The following AR variants were observed in gnomAD, a reference collection of about 807,000 sequenced individuals.
AR encodes the protein dihydrotestosterone receptor.
Under a neutral mutation model 53.9 loss-of-function variants are expected in AR, and 8 were observed. That is an observed-to-expected ratio of 0.15 (90% CI 0.09 to 0.27). The LOEUF (loss-of-function observed/expected upper bound fraction) is 0.27. Ranked by LOEUF, AR falls within the 10% of genes least tolerant of loss-of-function variation. AR has a pLI of 1.00. For missense variants in AR, 639 were observed against 742.5 expected, an observed-to-expected ratio of 0.86 and a Z score of 1.62; for synonymous variants, 359 against 316.4, an observed-to-expected ratio of 1.13 and a Z score of -1.43.
chrX:67,697,186 G>A (rs762061416), intron 3 of AR, among the ~76,000 whole-genome samples: 2 of 111,560 alleles, frequency 1.8e-5, no homozygotes, highest in East Asian at 2.8e-4. Context: ...AGGAACCCTC[G>A]AAAAAACTTA....
chrX:67,561,909 A>C, intron 1 of AR, among the ~76,000 whole-genome samples: 1 of 105,316 alleles, frequency 9.5e-6, no homozygotes, highest in East Asian at 3.0e-4. Context: ...GACAGATTAC[A>C]GTTCAGTAAA....
chrX:67,722,047 G>A (rs2147536479), intron 6 of AR, 84 bp downstream of exon 6: 2 of 1,088,354 alleles, frequency 1.8e-6, no homozygotes, highest in African/African-American at 1.8e-5. Flanking sequence ...ACATTATTAG[G>A]GAAAAGCCAG....
At chrX:67,675,567 G>T (rs1268939704) in intron 2 of AR, among the ~76,000 whole-genome samples, 1 of 111,267 alleles carries the variant, frequency 9.0e-6, no homozygotes, top group Non-Finnish European at 1.9e-5. Context: ...TTTCTGCTGT[G>T]ACAGGGCAAC....
rs1316492444 is a variant in AR, at chrX:67,568,862, C to G, written c.1616+22100C>G. ...AGGTGCTGCGAGCAGAGAGGGATTC[C>G]TCGGAGGTCATCTGTTCCATCTTCT... On this transcript the variant is annotated intron_variant, in intron 1 of 7. Coordinates refer to ENST00000374690, the MANE Select transcript of AR (RefSeq NM_000044.6). 2.6e-6 allele frequency: 3 copies of G among 1,176,144 alleles called. No homozygotes were observed. In the African/African-American group the frequency reaches 5.3e-5, roughly 21 times the overall value.
intron 1 of AR, among the ~76,000 whole-genome samples, chrX:67,601,180 T>A (rs1322518774): frequency 8.9e-6 from 1 of 112,401 alleles, no homozygotes; most frequent in African/African-American, 3.2e-5. Context: ...AAGTTTCAAA[T>A]ATAAATTGTT....
At chrX:67,581,246 A>G (rs1922282833) in intron 1 of AR, among the ~76,000 whole-genome samples, 1 of 111,241 alleles carries the variant, frequency 9.0e-6, no homozygotes, top group South Asian at 3.8e-4. Flanking sequence ...AATTTCTAGG[A>G]TTTATCATGG....
chrX:67,552,499 T>C (rs1423144913), intron 1 of AR, among the ~76,000 whole-genome samples: 1 of 112,687 alleles, frequency 8.9e-6, no homozygotes, highest in East Asian at 2.8e-4. Flanking sequence ...TGCAAGTTTA[T>C]TGTGGACATA....
At chrX:67,720,998 C>T (rs757961085) in intron 5 of AR, among the ~76,000 whole-genome samples, 18 of 111,327 alleles carry the variant, frequency 1.6e-4, no homozygotes, top group South Asian at 3.8e-4. Context: ...GCCATGGAAC[C>T]GAGAGGTTGC....
At chrX:67,660,458 T>C (rs1251439482) in intron 2 of AR, among the ~76,000 whole-genome samples, 1 of 111,976 alleles carries the variant, frequency 8.9e-6, no homozygotes, top group African/African-American at 3.3e-5. Flanking sequence ...CAACACCATT[T>C]ATTAAATAGG....
chrX:67,637,610 C>A (rs903757452), intron 1 of AR, among the ~76,000 whole-genome samples: 1 of 109,029 alleles, frequency 9.2e-6, no homozygotes, highest in African/African-American at 3.3e-5. Context: ...CAAGTCTTTG[C>A]TATTGTGAAT....
intron 1 of AR, among the ~76,000 whole-genome samples, chrX:67,572,084 C>T (rs749649861): frequency 9.0e-6 from 1 of 111,283 alleles, no homozygotes; most frequent in East Asian, 2.8e-4. Flanking sequence ...TGACAAACTT[C>T]TCACTTATTT....
intron 2 of AR, among the ~76,000 whole-genome samples, chrX:67,674,879 C>A (rs2075890009): frequency 9.0e-6 from 1 of 111,311 alleles, no homozygotes; most frequent in Admixed American, 9.5e-5. Context: ...CCTATAGCCA[C>A]CACAGCTGGG....
intron 1 of AR, among the ~76,000 whole-genome samples, chrX:67,547,142 C>T (rs188802072): frequency 1.3e-3 from 141 of 111,747 alleles, no homozygotes; most frequent in African/African-American, 4.5e-3. Context: ...AGAACCTCAA[C>T]AGGAATTTGG....
At chrX:67,659,877 C>T (rs1926791765) in intron 2 of AR, among the ~76,000 whole-genome samples, 1 of 111,484 alleles carries the variant, frequency 9.0e-6, no homozygotes. Flanking sequence ...TCTCCAGCAC[C>T]TGTTGTTTCC....
intron 1 of AR, among the ~76,000 whole-genome samples, chrX:67,629,087 T>C (rs956213121): frequency 1.8e-5 from 2 of 111,553 alleles, no homozygotes; most frequent in Non-Finnish European, 3.8e-5. Flanking sequence ...AGCATATTGG[T>C]CTAAAATTCT....
At chrX:67,667,241 T>A (rs1027057865) in intron 2 of AR, among the ~76,000 whole-genome samples, 1 of 111,987 alleles carries the variant, frequency 8.9e-6, no homozygotes, top group African/African-American at 3.2e-5. Flanking sequence ...TTGTATTTGC[T>A]GAGAGATAGG....
chrX:67,638,673 G>T (rs1925583051), intron 1 of AR, among the ~76,000 whole-genome samples: 1 of 111,773 alleles, frequency 8.9e-6, no homozygotes. Flanking sequence ...GGGGTTGTTT[G>T]TCTTTTTCTT....
chrX:67,678,243 T>C (rs1397463802), intron 2 of AR, among the ~76,000 whole-genome samples: 1 of 111,799 alleles, frequency 8.9e-6, no homozygotes, highest in Non-Finnish European at 1.9e-5. Context: ...CCCAGTTTCC[T>C]ATGCCAACCC....
chrX:67,699,252 A>T (rs1217465624), intron 3 of AR, among the ~76,000 whole-genome samples: 1 of 112,414 alleles, frequency 8.9e-6, no homozygotes, highest in African/African-American at 3.2e-5. Context: ...GATGAAACTG[A>T]TGTGTTTACC....
Sources: allele counts gnomAD v4.1 joint callset (sites outside exome capture counted in the v4.1 genomes callset), GRCh38; gene constraint gnomAD v4.1.1; transcripts MANE v1.5; gene names NCBI Gene and HGNC (gene_info 2026-07-23, HGNC 2026-07-21).